Variants in NECTIN3 observed in about 807,000 individuals in gnomAD.
The protein encoded by NECTIN3 is nectin cell adhesion molecule 3, also known as nectin-3.
NECTIN3 carries 8 observed loss-of-function variants against 49.4 expected under a neutral mutation model. The ratio of observed to expected loss-of-function variants is 0.16; its 90% CI spans 0.10 to 0.29. The LOEUF (loss-of-function observed/expected upper bound fraction) is 0.29. Among genes scored for constraint, NECTIN3 ranks in the 10% least tolerant of loss-of-function variants. The probability of loss-of-function intolerance (pLI) is 1.00; values close to 1 mark genes in which losing one functional copy is unlikely to be tolerated. For synonymous variants in NECTIN3, 277 were observed against 241.1 expected (o/e 1.15, Z -1.38); for missense variants, 581 against 654.6 (o/e 0.89, Z 1.23).
chr3:111,192,337 G>A (rs1351284512), upstream of NECTIN3: 4 of 1,534,464 alleles, frequency 2.6e-6, no homozygotes, highest in South Asian at 1.2e-5. Flanking sequence ...ACATCTTTTT[G>A]TGTTTTCTTC....
rs1442626627 is a variant in NECTIN3, at chr3:111,134,498, A to G, written c.*283A>G. 26 of 1,051,480 alleles carry G rather than the reference A, an allele frequency of 2.5e-5. No homozygotes were observed. Among genetic ancestry groups the G allele is most frequent in the East Asian group, 6.5e-5 (1 of 15,428 alleles). 65.1% of individuals were successfully genotyped at this position (1,051,480 alleles called of 1,614,324 possible). A position where few individuals can be genotyped will look rare whatever the true frequency, so the allele number is the denominator to read the frequency against. On this transcript the variant is annotated 3_prime_UTR_variant, in exon 6 of 6. Coordinates refer to ENST00000485303, the MANE Select transcript of NECTIN3 (RefSeq NM_015480.3). ...CACACAGGTAAGAAGAAATGTCAAC[A>G]TTAAATGTATGACTTACTTGGTACA... is the stretch of plus-strand genomic sequence containing the variant.
At chr3:111,185,160 C>T (rs2035695504) in intron 7 of NECTIN3, among the ~76,000 whole-genome samples, 1 of 152,166 alleles carries the variant, frequency 6.6e-6, no homozygotes, top group South Asian at 2.1e-4. Context: ...TCTTTGTCTT[C>T]TTCAGGACCC....
In NECTIN3 at chr3:111,137,305, T is replaced by G. The variant is rs1307355639; in HGVS notation, c.*3090T>G. ...GGAGAGTAGATTGTAGATTGAATTG[T>G]CTTTCCTGTTTACTTGTTAATTAGA... On this transcript the variant is annotated 3_prime_UTR_variant, in exon 6 of 6. Transcript: ENST00000485303. The G allele has an allele frequency of 1.0e-6, 1 of 969,810 alleles. No homozygotes were observed. Among genetic ancestry groups the G allele is most frequent in the Non-Finnish European group, 1.2e-6 (1 of 816,004 alleles). The allele number at this position is 969,810 out of a possible 1,614,324, so 60.1% of individuals were successfully genotyped here.
chr3:111,086,682 T>G (rs1371629665), intron 1 of NECTIN3, among the ~76,000 whole-genome samples: 1 of 152,190 alleles, frequency 6.6e-6, no homozygotes, highest in Non-Finnish European at 1.5e-5. Context: ...AGCTCGCCTA[T>G]TCAGGTTTAT....
At chr3:111,106,972 T>C (rs1287861869) in intron 1 of NECTIN3, among the ~76,000 whole-genome samples, 2 of 152,030 alleles carry the variant, frequency 1.3e-5, no homozygotes, top group African/African-American at 4.8e-5. Context: ...TTTTAAAAAG[T>C]GTAGTGTCAA....
intron 1 of NECTIN3, among the ~76,000 whole-genome samples, chr3:111,102,332 G>A (rs2032949385): frequency 6.6e-6 from 1 of 152,122 alleles, no homozygotes; most frequent in Non-Finnish European, 1.5e-5. Flanking sequence ...TAGTACCTCA[G>A]TTGCAATAGT....
At position 111,136,162 on chromosome 3, in the gene NECTIN3, C is replaced by A; in HGVS notation, c.*1947C>A. ...ATGGCTTTTTTTAAAATCAAAATTT[C>A]ATCTTTTAAAATAATGGTTTGAAAT... On this transcript the variant is annotated 3_prime_UTR_variant, in exon 6 of 6. Transcript: ENST00000485303. The A allele has an allele frequency of 2.0e-6, 2 of 978,352 alleles. No homozygotes were observed. Among genetic ancestry groups the A allele is most frequent in the Non-Finnish European group, 2.4e-6 (2 of 823,808 alleles). The allele number at this position is 978,352 out of a possible 1,614,324, so 60.6% of individuals were successfully genotyped here. A position where few individuals can be genotyped will look rare whatever the true frequency, so the allele number is the denominator to read the frequency against.
At chr3:111,140,922 G>C (rs955053212), downstream of NECTIN3, among the ~76,000 whole-genome samples, 5 of 151,898 alleles carry the variant, frequency 3.3e-5, no homozygotes, top group Non-Finnish European at 5.9e-5. Context: ...CTTTTTTAAA[G>C]ATAAGTGGTA....
intron 5 of NECTIN3, among the ~76,000 whole-genome samples, chr3:111,127,417 A>G (rs957624010): frequency 4.7e-5 from 7 of 148,608 alleles, no homozygotes. Context: ...ACGACTGTAT[A>G]CTCAGCAGTG....
chr3:111,108,446 A>G (rs572983518), intron 1 of NECTIN3, among the ~76,000 whole-genome samples: 5 of 152,186 alleles, frequency 3.3e-5, no homozygotes, highest in Non-Finnish European at 7.4e-5. Flanking sequence ...CCTTTTGGTA[A>G]TGGTGGCCCA....
chr3:111,103,659 C>G (rs573270786), intron 1 of NECTIN3, among the ~76,000 whole-genome samples: 25 of 152,032 alleles, frequency 1.6e-4, no homozygotes, highest in Admixed American at 5.9e-4. Context: ...GGTCTTATTA[C>G]TTTAGTAAGG....
intron 1 of NECTIN3, among the ~76,000 whole-genome samples, chr3:111,099,253 T>C (rs1006756216): frequency 2.0e-5 from 3 of 152,164 alleles, no homozygotes; most frequent in African/African-American, 7.2e-5. Context: ...ACTTCTCTCA[T>C]TGGTTTTCCT....
At chr3:111,126,391 A>G (rs909842179) in intron 5 of NECTIN3, 56 bp downstream of exon 5, 1 of 1,419,398 alleles carries the variant, frequency 7.0e-7, no homozygotes, top group Non-Finnish European at 9.8e-7. Flanking sequence ...GAATAATCAT[A>G]GTAACAATAT....
rs111749368 is a variant in NECTIN3 at position 111,147,613 on chromosome 3, A to G, written c.1221+129A>G. The G allele has an allele frequency of 7.5e-3, 6,065 of 809,788 alleles. 267 individuals are homozygous for G. The African/African-American group carries it at 0.094, about 13-fold the overall frequency. The allele number at this position is 809,788 out of a possible 1,614,324, so 50.2% of individuals were successfully genotyped here. ...AAGTGTTGTTTAGTCATTATGCATT[A>G]AATGTTGTTTAGTCATTATGCATTA... On this transcript the variant is annotated intron_variant, in intron 7 of 8. Coordinates refer to the NECTIN3 transcript ENST00000493615.
intron 7 of NECTIN3, among the ~76,000 whole-genome samples, chr3:111,150,821 T>C (rs543194193): frequency 6.6e-6 from 1 of 152,098 alleles, no homozygotes; most frequent in Non-Finnish European, 1.5e-5. Flanking sequence ...TTAAAAGGTT[T>C]ATAAAATTTA....
chr3:111,101,561 G>A (rs2032908565), intron 1 of NECTIN3, among the ~76,000 whole-genome samples: 1 of 151,982 alleles, frequency 6.6e-6, no homozygotes, highest in Admixed American at 6.6e-5. Flanking sequence ...TATTTAGAAA[G>A]GAAGTTGACT....
In NECTIN3 at chr3:111,072,491, C is replaced by T. The variant is rs1172937115; in HGVS notation, c.160+314C>T. 7 of 1,535,844 alleles carry T rather than the reference C, an allele frequency of 4.6e-6. No individual in the cohort carries two copies. In the African/African-American group the frequency reaches 6.8e-5, roughly 15 times the overall value. ...TGCTCCGGGGACCGTTACTTCCTCG[C>T]TCATTCTCTGGGAACCCTCGTAGGT... On this transcript the variant is annotated intron_variant, in intron 1 of 5. Transcript: ENST00000485303.
chr3:111,186,363 A>G lies in NECTIN3; in HGVS notation c.1222-5988A>G, dbSNP rs954780541. Among the ~76,000 whole-genome samples the G allele has an allele frequency of 3.7e-4, 57 of 152,154 alleles. 1 individual carries two copies. Among genetic ancestry groups the G allele is most frequent in the Admixed American group, 3.9e-4 (6 of 15,272 alleles). On this transcript the variant is annotated intron_variant, in intron 7 of 8. Transcript: ENST00000493615. ...CATAGTACTGGTACAAAAACAGATA[A>G]TAGACCAATACGACAGAATGGAGAG...
At chr3:111,168,260 G>A (rs1049400998) in intron 7 of NECTIN3, among the ~76,000 whole-genome samples, 1 of 152,128 alleles carries the variant, frequency 6.6e-6, no homozygotes, top group African/African-American at 2.4e-5. Flanking sequence ...TTTGCAAAGA[G>A]AGAGAGTAAT....
Sources: gnomAD v4.1 joint callset for allele counts (sites outside exome capture counted in the v4.1 genomes callset) on GRCh38, gnomAD v4.1.1 for gene constraint, MANE v1.5 for transcripts, NCBI Gene and HGNC (gene_info 2026-07-23, HGNC 2026-07-21) for gene names.